Variants in CARMIL1 observed in about 807,000 individuals in gnomAD.
CARMIL1 encodes the protein F-actin-uncapping protein LRRC16A.
CARMIL1 carries 90 observed loss-of-function variants against 177.1 expected under a neutral mutation model. The observed-to-expected ratio is 0.51, with a 90% confidence interval of 0.43 to 0.61. The LOEUF is 0.61. CARMIL1 is among the 20% of genes least tolerant of loss of function. The pLI is 0.00. For synonymous variants in CARMIL1, 577 were observed against 606.2 expected (o/e 0.95, Z 0.71); for missense variants, 1,380 against 1,667.0 (o/e 0.83, Z 3.00).
At chr6:25,505,800 A>G (rs1582179247) in intron 17 of CARMIL1, among the ~76,000 whole-genome samples, 2 of 152,190 alleles carry the variant, frequency 1.3e-5, no homozygotes, top group Non-Finnish European at 1.5e-5. Context: ...ATAGTTATAC[A>G]TTAAGAGAAG....
In CARMIL1 at chr6:25,619,524, C is replaced by T. The variant is rs776103213; in HGVS notation, c.4057C>T (p.Gln1353Ter). The T allele has an allele frequency of 1.2e-6, 2 of 1,613,844 alleles. No individual in the cohort carries two copies. The highest frequency in any genetic ancestry group is 3.3e-5 in the Admixed American group (2 of 60,020). The change falls in exon 37 of 37, where the codon CAA becomes TAA. Residue 1353 changes from glutamine (Q) to a stop codon, truncating the protein, a stop_gained. Transcript: ENST00000329474. LOFTEE classifies it high-confidence loss of function. ...KQRSSSKDGHQGSKSNDSGEE... is the reference protein window; with the variant it reads ...KQRSSSKDGH ...ACGGTCCTCCAGTAAAGATGGCCAT[C>T]AAGGCAGCAAATCTAATGACTCCGG...
At chr6:25,582,715 T>A (rs1813238586) in intron 31 of CARMIL1, among the ~76,000 whole-genome samples, 1 of 152,152 alleles carries the variant, frequency 6.6e-6, no homozygotes, top group African/African-American at 2.4e-5. Context: ...AGAACTACTT[T>A]CAAATTTTTT....
intron 8 of CARMIL1, among the ~76,000 whole-genome samples, chr6:25,455,545 A>G (rs1184430146): frequency 3.9e-5 from 6 of 152,168 alleles, no homozygotes; most frequent in African/African-American, 1.4e-4. Context: ...GCGAGCTAGG[A>G]TTATTTCTAG....
chr6:25,323,321 C>T (rs1296588354), intron 2 of CARMIL1, among the ~76,000 whole-genome samples: 9 of 150,852 alleles, frequency 6.0e-5, no homozygotes, highest in South Asian at 2.1e-4. Flanking sequence ...CAGTGGCTCA[C>T]GCCTGTAATC....
At chr6:25,297,833 C>A (rs568677592) in intron 2 of CARMIL1, among the ~76,000 whole-genome samples, 11 of 152,090 alleles carry the variant, frequency 7.2e-5, no homozygotes, top group South Asian at 2.1e-4. Context: ...CTTCTTTATT[C>A]ATCAGAGTAG....
chr6:25,425,261 G>A (rs1014118283), intron 3 of CARMIL1, among the ~76,000 whole-genome samples: 2 of 152,124 alleles, frequency 1.3e-5, no homozygotes, highest in Non-Finnish European at 2.9e-5. Context: ...GAATGAATGA[G>A]TTCTCTTTCT....
chr6:25,463,051 C>T (rs1461136174), intron 8 of CARMIL1, among the ~76,000 whole-genome samples: 2 of 152,128 alleles, frequency 1.3e-5, no homozygotes, highest in Non-Finnish European at 2.9e-5. Flanking sequence ...CTCCATCCTC[C>T]TCATGAATAA....
At chr6:25,292,215 G>A (rs544043636) in intron 2 of CARMIL1, among the ~76,000 whole-genome samples, 1 of 152,290 alleles carries the variant, frequency 6.6e-6, no homozygotes, top group African/African-American at 2.4e-5. Context: ...AGTTGCCTTT[G>A]TGGTACCATT....
chr6:25,484,076 C>T (rs1022425148), intron 12 of CARMIL1, among the ~76,000 whole-genome samples: 2 of 152,162 alleles, frequency 1.3e-5, no homozygotes, highest in African/African-American at 2.4e-5. Flanking sequence ...CTCACTTTCT[C>T]TTTGAAATGT....
chr6:25,413,274 A>G (rs1192241841), intron 2 of CARMIL1, among the ~76,000 whole-genome samples: 1 of 152,202 alleles, frequency 6.6e-6, no homozygotes, highest in Non-Finnish European at 1.5e-5. Context: ...CAAATTAGAG[A>G]GTGCTTCAAG....
chr6:25,473,796 T>A (rs1801282110), intron 11 of CARMIL1, among the ~76,000 whole-genome samples: 2 of 152,220 alleles, frequency 1.3e-5, no homozygotes, highest in Non-Finnish European at 2.9e-5. Context: ...ATCTTAGAAT[T>A]CTATTTACCA....
intron 8 of CARMIL1, among the ~76,000 whole-genome samples, chr6:25,459,275 T>TCTC (rs1272799059): frequency 9.2e-5 from 13 of 141,418 alleles, no homozygotes; most frequent in African/African-American, 3.3e-4. Context: ...TCTTTTTTTT[T>TCTC]TTTTTAAGAC....
At chr6:25,480,932 G>A (rs750364675) in intron 11 of CARMIL1, among the ~76,000 whole-genome samples, 15 of 151,804 alleles carry the variant, frequency 9.9e-5, no homozygotes, top group Non-Finnish European at 2.1e-4. Context: ...GTGTTAGCCA[G>A]GATGGTCTCG....
At chr6:25,482,509 C>T (rs2150971712) in intron 12 of CARMIL1, among the ~76,000 whole-genome samples, 166 bp downstream of exon 12, 1 of 152,192 alleles carries the variant, frequency 6.6e-6, no homozygotes, top group Non-Finnish European at 1.5e-5. Context: ...TTATGTAATT[C>T]AATTTTTGAT....
intron 12 of CARMIL1, among the ~76,000 whole-genome samples, chr6:25,483,092 A>G (rs1250196680): frequency 2.6e-5 from 4 of 152,150 alleles, no homozygotes; most frequent in Non-Finnish European, 5.9e-5. Context: ...CCTTTGTATT[A>G]CTTCAAGATC....
chr6:25,561,974 G>A (rs973092317), intron 29 of CARMIL1, among the ~76,000 whole-genome samples: 1 of 152,068 alleles, frequency 6.6e-6, no homozygotes, highest in Non-Finnish European at 1.5e-5. Flanking sequence ...TGAGTCCAAC[G>A]AAAATGGTTA....
chr6:25,372,103 T>C (rs976694307), intron 2 of CARMIL1, among the ~76,000 whole-genome samples: 7 of 152,256 alleles, frequency 4.6e-5, no homozygotes, highest in African/African-American at 7.2e-5. Context: ...TTCTGTTACA[T>C]TGGTCTATGT....
At chr6:25,369,268 G>A (rs971675789) in intron 2 of CARMIL1, among the ~76,000 whole-genome samples, 2 of 152,038 alleles carry the variant, frequency 1.3e-5, no homozygotes, top group Non-Finnish European at 2.9e-5. Flanking sequence ...GCATGGCCCT[G>A]TGCCATCGAC....
At chr6:25,310,385 C>T (rs547211748) in intron 2 of CARMIL1, among the ~76,000 whole-genome samples, 16 of 152,344 alleles carry the variant, frequency 1.1e-4, no homozygotes, top group African/African-American at 3.6e-4. Context: ...TTTCAAACTG[C>T]AGCTGATCAC....
Sources: allele counts gnomAD v4.1 joint callset (sites outside exome capture counted in the v4.1 genomes callset), GRCh38; gene constraint gnomAD v4.1.1; transcripts MANE v1.5; gene names NCBI Gene and HGNC (gene_info 2026-07-23, HGNC 2026-07-21).